Variants in TNS4 observed in about 807,000 individuals in gnomAD.
The protein encoded by TNS4 is tensin 4, also known as tensin-4.
In TNS4, 46 loss-of-function variants were observed where a neutral mutation model predicts 70.4. The observed-to-expected ratio is 0.65, with a 90% CI of 0.52 to 0.84. The LOEUF (loss-of-function observed/expected upper bound fraction) is 0.84. Among genes scored for constraint, TNS4 ranks in the 40% least tolerant of loss-of-function variants. The probability of loss-of-function intolerance (pLI) is 0.00; values close to 1 mark genes in which losing one functional copy is unlikely to be tolerated. For missense variants in TNS4, 863 were observed against 907.0 expected, an observed-to-expected ratio of 0.95 and a Z score of 0.62; for synonymous variants, 390 against 366.6, an observed-to-expected ratio of 1.06 and a Z score of -0.73.
chr17:40,484,382 G>A (rs933572615), intron 6 of TNS4, 102 bp downstream of exon 6: 4 of 1,521,826 alleles, frequency 2.6e-6, no homozygotes, highest in Non-Finnish European at 3.5e-6. Flanking sequence ...TATAAGACTG[G>A]CGCCATGTCA....
chr17:40,481,809 C>G (rs1330166688), intron 8 of TNS4, among the ~76,000 whole-genome samples: 1 of 152,266 alleles, frequency 6.6e-6, no homozygotes, highest in Non-Finnish European at 1.5e-5. Flanking sequence ...GATTTAGGCT[C>G]TTTCACCCTC....
In TNS4 at chr17:40,484,964, G is replaced by A. The variant is rs755734581; in HGVS notation, c.1332C>T (p.Asp444=). 1.9e-5 allele frequency: 30 copies of A among 1,614,074 alleles called. No homozygotes were observed. The highest frequency in any genetic ancestry group is 2.5e-5 in the Non-Finnish European group (30 of 1,180,044). The part of the protein sequence containing the change: ...DMQPTMKFVM[D]TSKYWFKPNI... ...TTGGCTTAAACCAGTATTTAGATGT[G>A]TCCATCACGAACTTCATGGTGGGCT... Residue 444 remains aspartate (D), a synonymous_variant, in exon 5 of 13, where the codon GAC becomes GAT. Coordinates refer to ENST00000254051, the MANE Select transcript of TNS4 (RefSeq NM_032865.6).
Position 40,488,872 on chromosome 17 carries a change from A to C in TNS4, c.537T>G (p.Leu179=). 6.2e-7 allele frequency: 1 copy of C among 1,613,034 alleles called. No homozygotes were observed. Among genetic ancestry groups the C allele is most frequent in the Non-Finnish European group, 8.5e-7 (1 of 1,179,762 alleles). ...TGGAAAGGAGGAGGCCACCACTGCG[A>C]AGGGAGCCGAAGGGCGGGGTGACAG... ...SPSVTPPFGS[L]RSGGLLLSRD... The change falls in exon 3 of 13, where the codon CTT becomes CTG. Residue 179 remains leucine (L), a synonymous_variant. Coordinates refer to ENST00000254051, the MANE Select transcript of TNS4 (RefSeq NM_032865.6).
chr17:40,484,581 TG>T lies in TNS4; in HGVS notation c.1403del (p.Pro468GlnfsTer6). On this transcript the variant is annotated frameshift_variant, in exon 6 of 13. Coordinates refer to ENST00000254051, the MANE Select transcript of TNS4 (RefSeq NM_032865.6). LOFTEE classifies it high-confidence loss of function. ...AGCTGTCCCTTATGACAAAAGCCCC[TG>T]GCTCCTCCTTCCTCAGCAGCTCGAT... ...QAIELLRKEE[P>X]GAFVIRDSSS... 1 of 1,612,816 alleles carries T rather than the reference TG, an allele frequency of 6.2e-7. No homozygotes were observed. The highest frequency in any genetic ancestry group is 1.1e-5 in the South Asian group (1 of 91,076).
intron 11 of TNS4, 114 bp from the exon 12 acceptor site, chr17:40,478,447 C>A (rs1195283921): frequency 6.5e-7 from 1 of 1,531,566 alleles, no homozygotes; most frequent in East Asian, 2.3e-5. Context: ...CCCACCCTAC[C>A]CTCATTCTGT....
intron 6 of TNS4, 81 bp downstream of exon 6, chr17:40,484,403 T>C (rs2035964172): frequency 1.9e-6 from 3 of 1,563,912 alleles, no homozygotes; most frequent in African/African-American, 2.7e-5. Context: ...CCCTGAAAGC[T>C]AGTGCCAGAG....
At position 40,487,452 on chromosome 17, in the gene TNS4, G is replaced by A. The variant is rs761668997; in HGVS notation, c.872C>T (p.Ser291Phe). Residue 291 changes from serine (S) to phenylalanine (F), a missense_variant, in exon 4 of 13, where the codon TCC becomes TTC. By Grantham distance (155) the Ser-to-Phe change is radical. Coordinates refer to ENST00000254051, the MANE Select transcript of TNS4 (RefSeq NM_032865.6). ...DVSYMFGSSQ[S>F]LLHSSNSSHQ... ...GCTGGAGTTGCTGGAGTGCAGGAGGGACTGGCTGCTGCAGCGGGAGAGAGT... is the reference window on the plus strand; with the variant it reads ...GCTGGAGTTGCTGGAGTGCAGGAGGAACTGGCTGCTGCAGCGGGAGAGAGT... The A allele has an allele frequency of 4.4e-6, 7 of 1,603,812 alleles. No individual in the cohort carries two copies. Among genetic ancestry groups the A allele is most frequent in the Middle Eastern group, 1.7e-4 (1 of 6,044 alleles).
At chr17:40,499,357 G>A (rs1015368479) in intron 1 of TNS4, among the ~76,000 whole-genome samples, 1 of 152,158 alleles carries the variant, frequency 6.6e-6, no homozygotes, top group East Asian at 1.9e-4. Context: ...CGGGGAGCTC[G>A]GCTCTTGAGA....
Position 40,482,411 on chromosome 17 carries a change from C to T in TNS4, c.1507G>A (p.Asp503Asn). 1 of 1,613,962 alleles carries T rather than the reference C, an allele frequency of 6.2e-7. No individual in the cohort carries two copies. The highest frequency in any genetic ancestry group is 8.5e-7 in the Non-Finnish European group (1 of 1,180,008). ...AAGTGTCGGATGAGGTCATTGCTGT[C>T]CTCACCTGGACAGAGAAGAAAGAGT... ...PASAQSRPGE[D>N]SNDLIRHFLI... Residue 503 changes from aspartate (D) to asparagine (N), a missense_variant, in exon 7 of 13, where the codon GAC becomes AAC. Transcript: ENST00000254051.
intron 12 of TNS4, 86 bp downstream of exon 12, chr17:40,478,221 G>A (rs2035874937): frequency 6.4e-7 from 1 of 1,559,510 alleles, no homozygotes; most frequent in African/African-American, 1.4e-5. Context: ...CAACACTTTG[G>A]ACTATTAAAG....
At chr17:40,492,903 TG>T (rs1405055539) in intron 2 of TNS4, among the ~76,000 whole-genome samples, 1 of 151,910 alleles carries the variant, frequency 6.6e-6, no homozygotes, top group Non-Finnish European at 1.5e-5. Context: ...AAAAATTAGC[TG>T]GGCATAGTGG....
chr17:40,500,176 C>T (rs908446273), intron 1 of TNS4, among the ~76,000 whole-genome samples: 2 of 152,212 alleles, frequency 1.3e-5, no homozygotes, highest in Non-Finnish European at 2.9e-5. Flanking sequence ...CACTTTTAGC[C>T]TCTGCTGCTG....
Position 40,488,623 on chromosome 17 carries a change from G to A in TNS4, c.786C>T (p.Gly262=), listed in dbSNP as rs901230335. 1.3e-6 allele frequency: 2 copies of A among 1,522,422 alleles called. No individual in the cohort carries two copies. Among genetic ancestry groups the A allele is most frequent in the Admixed American group, 4.4e-5 (2 of 45,058 alleles). The allele number at this position is 1,522,422 out of a possible 1,614,324, so 94.3% of individuals were successfully genotyped here. A position where few individuals can be genotyped will look rare whatever the true frequency, so the allele number is the denominator to read the frequency against. ...TCCTGCTGCCCCGCTGTGGGGCCAGGCCTCCCAGCCGCTTCTCCAGTCTTG... is the reference window on the plus strand; with the variant it reads ...TCCTGCTGCCCCGCTGTGGGGCCAGACCTCCCAGCCGCTTCTCCAGTCTTG... ...ASPRLEKRLG[G]LAPQRGSRIS... Residue 262 remains glycine, a synonymous_variant, in exon 3 of 13, where the codon GGC becomes GGT. Transcript: ENST00000254051.
At chr17:40,490,964 C>G (rs895634934) in intron 2 of TNS4, among the ~76,000 whole-genome samples, 24 of 152,218 alleles carry the variant, frequency 1.6e-4, no homozygotes, top group Middle Eastern at 6.8e-3. Context: ...CAGTATTGGC[C>G]AAATGGAGCC....
rs757064537 is a variant in TNS4 at position 40,482,246 on chromosome 17, C to T, written c.1595-40G>A. 11 of 1,613,804 alleles carry T rather than the reference C, an allele frequency of 6.8e-6. No individual in the cohort carries two copies. In the Admixed American group the frequency reaches 1.7e-4, roughly 24 times the overall value. On this transcript the variant is annotated intron_variant, in intron 7 of 12. Coordinates refer to ENST00000254051, the MANE Select transcript of TNS4 (RefSeq NM_032865.6). ...GCAGCCCTGCATGAGTAGAGCTTCC[C>T]CAACCCACCCCTCAGCTCACAACGG...
chr17:40,484,775 G>C, intron 5 of TNS4, 146 bp downstream of exon 5: 1 of 1,359,164 alleles, frequency 7.4e-7, no homozygotes, highest in Non-Finnish European at 1.0e-6. Flanking sequence ...CTACTTCCTC[G>C]GGAGGTCATG....
chr17:40,495,867 T>G, intron 2 of TNS4, 120 bp downstream of exon 2: 1 of 1,075,036 alleles, frequency 9.3e-7, no homozygotes, highest in Non-Finnish European at 1.3e-6. Flanking sequence ...GTAACTTGGT[T>G]AGGTTTGCAC....
At chr17:40,482,008 T>C (rs56291600) in intron 8 of TNS4, 121 bp downstream of exon 8, 73,446 of 1,136,596 alleles carry the variant, frequency 0.065, 2,894 homozygotes, top group Middle Eastern at 0.11. Context: ...GCGACTCCAG[T>C]GCACACAGTT....
At position 40,484,976 on chromosome 17, in the gene TNS4, C is replaced by A. The variant is rs768504850; in HGVS notation, c.1320G>T (p.Lys440Asn). 1.4e-5 allele frequency: 23 copies of A among 1,614,114 alleles called. No individual in the cohort carries two copies. The highest frequency in any genetic ancestry group is 6.7e-5 in the Admixed American group (4 of 60,008). ...GPARDMQPTM[K>N]FVMDTSKYWF... ...AGTATTTAGATGTGTCCATCACGAA[C>A]TTCATGGTGGGCTGCATGTCCCTGG... The change falls in exon 5 of 13, where the codon AAG becomes AAT. Residue 440 changes from lysine (K) to asparagine (N), a missense_variant. By Grantham distance (94) the Lys-to-Asn change is moderately conservative (BLOSUM62 0). Coordinates refer to ENST00000254051, the MANE Select transcript of TNS4 (RefSeq NM_032865.6).
Sources: gnomAD v4.1 joint callset for allele counts (sites outside exome capture counted in the v4.1 genomes callset) on GRCh38, gnomAD v4.1.1 for gene constraint, MANE v1.5 for transcripts, NCBI Gene and HGNC (gene_info 2026-07-23, HGNC 2026-07-21) for gene names.